Variants in WIPI2 observed in about 807,000 individuals in gnomAD.
WIPI2 encodes WD repeat domain phosphoinositide-interacting protein 2.
A neutral mutation model predicts 52.3 loss-of-function variants in WIPI2; 28 were observed. The observed-to-expected ratio is 0.54, with a 90% CI of 0.40 to 0.73. The LOEUF is 0.73. Ranked by LOEUF, WIPI2 falls within the 30% of genes least tolerant of loss-of-function variation. The pLI is 0.00. For synonymous variants in WIPI2, 268 were observed against 245.0 expected (o/e 1.09, Z -0.88); for missense variants, 506 against 602.9 (o/e 0.84, Z 1.68).
chr7:5,214,808 T>A, intron 4 of WIPI2, 104 bp downstream of exon 4: 1 of 1,326,832 alleles, frequency 7.5e-7, no homozygotes, highest in South Asian at 1.3e-5. Context: ...CCTTGCTGCC[T>A]GGCCCCACGT....
rs777084196 is a variant in WIPI2, at chr7:5,218,032, C to T, written c.669+18C>T. 2.8e-5 allele frequency: 45 copies of T among 1,613,016 alleles called. No homozygotes were observed. Among genetic ancestry groups the T allele is most frequent in the African/African-American group, 4.0e-5 (3 of 74,894 alleles). The stretch of plus-strand genomic sequence containing the variant: ...CGGAGAAGGTGAGTCTGCTTTTCCC[C>T]GGGGGAGCACTGGTGCCAAGGCGTC... On this transcript the variant is annotated intron_variant, in intron 7 of 12. Transcript: ENST00000288828.
Position 5,230,841 on chromosome 7 carries a change from C to T in WIPI2, c.1259C>T (p.Thr420Ile). The T allele has an allele frequency of 1.9e-6, 3 of 1,613,374 alleles. No homozygotes were observed. The highest frequency in any genetic ancestry group is 2.5e-6 in the Non-Finnish European group (3 of 1,179,614). The stretch of plus-strand genomic sequence containing the variant: ...CTTCGTCGTCTCTTTGCAGCCTACA[C>T]AGACGACCTGGGTGCTGTGGGTGGC... ...VPSSPTRLAYTDDLGAVGGAC... is the reference protein window; with the variant it reads ...VPSSPTRLAYIDDLGAVGGAC... Residue 420 changes from threonine (T) to isoleucine (I), a missense_variant, in exon 13 of 13, where the codon ACA (threonine) becomes ATA (isoleucine). Transcript: ENST00000288828. This position sits in a 1 kb window ranked among gnomAD's most constrained non-coding sequence, Gnocchi z 4.8.
chr7:5,217,503 C>G (rs181850272), intron 6 of WIPI2: 8 of 393,790 alleles, frequency 2.0e-5, no homozygotes, highest in Middle Eastern at 8.1e-4. Context: ...TGCTGGGTTG[C>G]CCAGGCTGGC....
intron 3 of WIPI2, 66 bp from the exon 4 acceptor site, chr7:5,214,469 C>T (rs1409293589): frequency 6.2e-7 from 1 of 1,613,920 alleles, no homozygotes; most frequent in South Asian, 1.1e-5. Flanking sequence ...TTTTTGAGCG[C>T]AGATTCTGCC....
intron 3 of WIPI2, among the ~76,000 whole-genome samples, chr7:5,205,378 T>G (rs1275785437): frequency 6.6e-6 from 1 of 152,266 alleles, no homozygotes; most frequent in Non-Finnish European, 1.5e-5. Context: ...TTTTGGTTAC[T>G]GACTCTTGTA....
chr7:5,220,296 A>G (rs1231800306), intron 7 of WIPI2, among the ~76,000 whole-genome samples: 2 of 147,294 alleles, frequency 1.4e-5, no homozygotes, highest in African/African-American at 5.0e-5. Flanking sequence ...GCTGGAGTGC[A>G]GTGTGGTATG....
intron 3 of WIPI2, among the ~76,000 whole-genome samples, chr7:5,211,808 C>A (rs1782575480): frequency 6.6e-6 from 1 of 152,226 alleles, no homozygotes; most frequent in South Asian, 2.1e-4. Context: ...TCAGGCCTTA[C>A]AGCTAATTAG....
intron 3 of WIPI2, among the ~76,000 whole-genome samples, chr7:5,208,257 T>C (rs1782386342): frequency 6.6e-6 from 1 of 152,192 alleles, no homozygotes; most frequent in Admixed American, 6.5e-5. Flanking sequence ...CTTTTTAGGT[T>C]TGGTTGTTTA....
chr7:5,228,817 C>T (rs978876090), intron 11 of WIPI2, among the ~76,000 whole-genome samples: 3 of 152,182 alleles, frequency 2.0e-5, no homozygotes, highest in Non-Finnish European at 2.9e-5. Flanking sequence ...CAGCCTTGAC[C>T]TCCCAGGTTC....
chr7:5,226,303 G>A (rs897663204), intron 9 of WIPI2: 1 of 223,590 alleles, frequency 4.5e-6, no homozygotes. Context: ...CCACGGGTAA[G>A]CAGAGACATG....
At chr7:5,225,992 C>T (rs746222938) in intron 9 of WIPI2, 62 bp downstream of exon 9, 11 of 1,502,256 alleles carry the variant, frequency 7.3e-6, no homozygotes, top group East Asian at 4.7e-5. Context: ...CACTTGCTGC[C>T]GGGATGAGAG....
At position 5,233,740 on chromosome 7, in the gene WIPI2, G is replaced by A. The variant is rs552827604; in HGVS notation, c.*2793G>A. The A allele has an allele frequency of 6.6e-6, 1 of 152,370 alleles. No homozygotes were observed. The highest frequency in any genetic ancestry group is 2.4e-5 in the African/African-American group (1 of 41,584). The allele number at this position is 152,370 out of a possible 1,614,324, so 9.4% of individuals were successfully genotyped here. On this transcript the variant is annotated 3_prime_UTR_variant, in exon 13 of 13. Coordinates refer to ENST00000288828, the MANE Select transcript of WIPI2 (RefSeq NM_015610.4). ...CCCTACCTCACAGGGCTGTTGTGAGGTGTTGTGTGACTGCGTGTCCTGCAA... is the reference window on the plus strand; with the variant it reads ...CCCTACCTCACAGGGCTGTTGTGAGATGTTGTGTGACTGCGTGTCCTGCAA...
intron 7 of WIPI2, among the ~76,000 whole-genome samples, chr7:5,221,664 A>T (rs1227773659): frequency 6.6e-6 from 1 of 152,092 alleles, no homozygotes; most frequent in African/African-American, 2.4e-5. Flanking sequence ...CACAGATCTG[A>T]TATTAACTTG....
intron 3 of WIPI2, among the ~76,000 whole-genome samples, chr7:5,200,576 G>A (rs561596474): frequency 9.1e-4 from 137 of 150,514 alleles, no homozygotes; most frequent in African/African-American, 3.2e-3. Context: ...TTTTTGAGAC[G>A]GAGTTTTGCT....
At chr7:5,193,003 C>T in intron 1 of WIPI2, 115 bp from the exon 2 acceptor site, 1 of 944,484 alleles carries the variant, frequency 1.1e-6, no homozygotes, top group Non-Finnish European at 1.6e-6. Context: ...CCTTTCTTTA[C>T]TGGTAATATG....
chr7:5,222,416 A>G (rs548663566), intron 7 of WIPI2, among the ~76,000 whole-genome samples, 186 bp from the exon 8 acceptor site: 3 of 152,302 alleles, frequency 2.0e-5, no homozygotes, highest in East Asian at 1.9e-4. Flanking sequence ...GTGTTTTTCT[A>G]TGCTCGTGGC....
intron 2 of WIPI2, among the ~76,000 whole-genome samples, chr7:5,193,941 A>G (rs186028844): frequency 1.3e-5 from 2 of 152,088 alleles, no homozygotes; most frequent in African/African-American, 4.8e-5. Flanking sequence ...TATGCAAAGG[A>G]TATGTTTGAG....
At chr7:5,207,064 C>T (rs1782329142) in intron 3 of WIPI2, among the ~76,000 whole-genome samples, 1 of 150,344 alleles carries the variant, frequency 6.7e-6, no homozygotes. Context: ...CAAACCACCA[C>T]ACCTGGCTTT....
intron 2 of WIPI2, among the ~76,000 whole-genome samples, chr7:5,196,651 A>G (rs1358012558): frequency 6.6e-6 from 1 of 152,162 alleles, no homozygotes; most frequent in East Asian, 1.9e-4. Context: ...TGCCCATGGG[A>G]GAAGCCCCCT....
Sources: allele counts gnomAD v4.1 joint callset (sites outside exome capture counted in the v4.1 genomes callset), GRCh38; gene constraint gnomAD v4.1.1; non-coding constraint Gnocchi (gnomAD v3.1); transcripts MANE v1.5; gene names NCBI Gene and HGNC (gene_info 2026-07-23, HGNC 2026-07-21).